The following ARID1B variants were observed in gnomAD, a reference collection of about 807,000 sequenced individuals.
ARID1B encodes the protein AT-rich interactive domain-containing protein 1B.
A neutral mutation model predicts 212.3 loss-of-function variants in ARID1B; 30 were observed. That is an observed-to-expected ratio of 0.14 (90% CI 0.11 to 0.19). The LOEUF is 0.19. Ranked by LOEUF, ARID1B falls within the 10% of genes least tolerant of loss-of-function variation. ARID1B has a pLI of 1.00. For missense variants in ARID1B, 2,891 were observed against 3,204.0 expected (o/e 0.90, Z 2.36); for synonymous variants, 1,402 against 1,301.7 (o/e 1.08, Z -1.66).
At chr6:157,008,377 A>C (rs779512619) in intron 4 of ARID1B, among the ~76,000 whole-genome samples, 27 of 151,990 alleles carry the variant, frequency 1.8e-4, no homozygotes, top group Non-Finnish European at 3.4e-4. Flanking sequence ...GAATTTGACT[A>C]CTCTAGGGAC....
chr6:157,182,392 T>G (rs1022030031), intron 12 of ARID1B, among the ~76,000 whole-genome samples: 1 of 152,182 alleles, frequency 6.6e-6, no homozygotes, highest in Non-Finnish European at 1.5e-5. Flanking sequence ...AGCTATGCAT[T>G]AGAATGGCCT....
At chr6:157,156,426 A>C (rs958493063) in intron 8 of ARID1B, among the ~76,000 whole-genome samples, 2 of 152,244 alleles carry the variant, frequency 1.3e-5, no homozygotes, top group African/African-American at 2.4e-5. Flanking sequence ...TAGTATTTAA[A>C]GATTATGATT....
At chr6:156,889,463 C>T (rs1787761368) in intron 2 of ARID1B, among the ~76,000 whole-genome samples, 1 of 152,208 alleles carries the variant, frequency 6.6e-6, no homozygotes, top group African/African-American at 2.4e-5. Context: ...TAGTTCAACA[C>T]TGGTTGTAAA....
chr6:157,193,288 A>G (rs1456913210), intron 15 of ARID1B, among the ~76,000 whole-genome samples: 1 of 152,206 alleles, frequency 6.6e-6, no homozygotes, highest in African/African-American at 2.4e-5. Flanking sequence ...GTTGAAGTAC[A>G]GTTTTTTCAC....
At chr6:156,903,819 T>A (rs1172543107) in intron 3 of ARID1B, among the ~76,000 whole-genome samples, 1 of 152,210 alleles carries the variant, frequency 6.6e-6, no homozygotes, top group Non-Finnish European at 1.5e-5. Flanking sequence ...TCTTTCCTTT[T>A]GTTTTCAAAT....
Position 156,996,261 on chromosome 6 carries a change from G to T in ARID1B, c.2247+60685G>T, listed in dbSNP as rs577537985. On this transcript the variant is annotated intron_variant, in intron 4 of 19. Transcript: ENST00000636930. The stretch of plus-strand genomic sequence containing the variant: ...CTGTAAGGAATGGCTTCAGAGCTGA[G>T]CTCTAACTCAAGTAAGGATTTCTTT... 8.5e-5 allele frequency among the ~76,000 whole-genome samples: 13 copies of T among 152,300 alleles called. No individual in the cohort carries two copies. The South Asian group carries it at 2.7e-3, about 32-fold the overall frequency.
At chr6:156,857,038 A>C (rs966131526) in intron 2 of ARID1B, among the ~76,000 whole-genome samples, 1 of 152,060 alleles carries the variant, frequency 6.6e-6, no homozygotes, top group Non-Finnish European at 1.5e-5. Context: ...GAAAATTTAC[A>C]TGTTTGCTTG....
rs534792624 is a variant in ARID1B at position 156,912,073 on chromosome 6, A to G, written c.2136+10548A>G. Among the ~76,000 whole-genome samples, 20 of 152,316 alleles carry G rather than the reference A, an allele frequency of 1.3e-4. No individual in the cohort carries two copies. The East Asian group carries it at 3.9e-3, about 29-fold the overall frequency. ...TTGTATTTTCTAAATTATCTACATA[A>G]ACATGTAATGCATATATAATATTCT... is the stretch of plus-strand genomic sequence containing the variant. On this transcript the variant is annotated intron_variant, in intron 3 of 19. Coordinates refer to ENST00000636930, the MANE Select transcript of ARID1B (RefSeq NM_001374828.1).
intron 4 of ARID1B, among the ~76,000 whole-genome samples, chr6:156,966,042 T>G (rs1156304642): frequency 2.0e-5 from 3 of 152,234 alleles, no homozygotes; most frequent in Non-Finnish European, 2.9e-5. Context: ...CAAGTTCTCA[T>G]AGAGAGCTAA....
At chr6:156,815,681 T>G (rs1781916748) in intron 1 of ARID1B, among the ~76,000 whole-genome samples, 1 of 152,234 alleles carries the variant, frequency 6.6e-6, no homozygotes, top group South Asian at 2.1e-4. Context: ...ACAAATTGTT[T>G]CAGGTGGGAC....
intron 4 of ARID1B, among the ~76,000 whole-genome samples, chr6:156,995,457 G>C (rs1477983558): frequency 6.6e-6 from 1 of 152,182 alleles, no homozygotes; most frequent in African/African-American, 2.4e-5. Context: ...TTCTGAGCAG[G>C]CTGCCTTCCA....
intron 5 of ARID1B, among the ~76,000 whole-genome samples, chr6:157,091,323 T>C (rs990358238): frequency 1.3e-5 from 2 of 152,140 alleles, no homozygotes; most frequent in Non-Finnish European, 2.9e-5. Context: ...AAAGAACTGT[T>C]TGGCAGCACT....
intron 1 of ARID1B, among the ~76,000 whole-genome samples, chr6:156,799,465 C>T (rs973305399): frequency 6.6e-6 from 1 of 152,278 alleles, no homozygotes; most frequent in South Asian, 2.1e-4. Context: ...TGCTTGCTTG[C>T]GCATTCACAT....
intron 1 of ARID1B, among the ~76,000 whole-genome samples, chr6:156,813,112 T>A (rs541891505): frequency 0.024 from 3,140 of 132,214 alleles, 106 homozygotes; most frequent in African/African-American, 0.069. Flanking sequence ...ATATATATTT[T>A]TTTTTTTTTT....
At chr6:156,957,259 T>TTGC (rs1422350795) in intron 4 of ARID1B, among the ~76,000 whole-genome samples, 1 of 152,250 alleles carries the variant, frequency 6.6e-6, no homozygotes, top group Non-Finnish European at 1.5e-5. Flanking sequence ...GTCTTTCTCC[T>TTGC]TGCCTGTTTC....
At chr6:157,115,829 T>G (rs918885231) in intron 6 of ARID1B, among the ~76,000 whole-genome samples, 3 of 152,182 alleles carry the variant, frequency 2.0e-5, no homozygotes, top group Non-Finnish European at 4.4e-5. Flanking sequence ...AAACCTCAGT[T>G]TAGTATTCTG....
chr6:157,195,666 G>C (rs964633014), intron 15 of ARID1B: 1 of 158,016 alleles, frequency 6.3e-6, no homozygotes, highest in Non-Finnish European at 1.4e-5. Flanking sequence ...CCGGGCAGGG[G>C]GTGCTGGATC....
chr6:157,106,278 C>T (rs1786473207), intron 5 of ARID1B, among the ~76,000 whole-genome samples: 1 of 152,306 alleles, frequency 6.6e-6, no homozygotes, highest in East Asian at 1.9e-4. Context: ...AAGGCACATT[C>T]ATTATCTCTG....
chr6:157,201,595 A>T lies in ARID1B; in HGVS notation c.5263+107A>T. 2 of 1,298,182 alleles carry T rather than the reference A, an allele frequency of 1.5e-6. No individual in the cohort carries two copies. The highest frequency in any genetic ancestry group is 2.1e-6 in the Non-Finnish European group (2 of 971,022). The allele number at this position is 1,298,182 out of a possible 1,614,324, so 80.4% of individuals were successfully genotyped here. A position where few individuals can be genotyped will look rare whatever the true frequency, so the allele number is the denominator to read the frequency against. On this transcript the variant is annotated intron_variant, in intron 18 of 19. Coordinates refer to ENST00000636930, the MANE Select transcript of ARID1B (RefSeq NM_001374828.1). This position sits in a 1 kb window ranked among gnomAD's most constrained non-coding sequence, Gnocchi z 5.2. ...CTCATCTTAAAGGGATGAAAAAATT[A>T]TGACTAGAAGTTATCAAGATGCGTT...
Sources: allele counts gnomAD v4.1 joint callset (sites outside exome capture counted in the v4.1 genomes callset), GRCh38; gene constraint gnomAD v4.1.1; non-coding constraint Gnocchi (gnomAD v3.1); transcripts MANE v1.5; gene names NCBI Gene and HGNC (gene_info 2026-07-23, HGNC 2026-07-21).